The following NFIC variants were observed in gnomAD, a reference collection of about 807,000 sequenced individuals.
NFIC encodes the protein nuclear factor 1 C-type.
In NFIC, 12 loss-of-function variants were observed where a neutral mutation model predicts 54.4. The ratio of observed to expected loss-of-function variants is 0.22; its 90% confidence interval spans 0.14 to 0.36. The LOEUF (loss-of-function observed/expected upper bound fraction) is 0.36, where lower values mean the gene tolerates loss of function less well. Ranked by LOEUF, NFIC falls within the 10% of genes least tolerant of loss-of-function variation. The pLI, the probability that NFIC is intolerant of heterozygous loss-of-function variation, is 1.00. For missense variants in NFIC, 575 were observed against 718.2 expected, an observed-to-expected ratio of 0.80 and a Z score of 2.28; for synonymous variants, 322 against 319.2, an observed-to-expected ratio of 1.01 and a Z score of -0.09.
chr19:3,463,337 G>A lies in NFIC; in HGVS notation c.*568G>A. On this transcript the variant is annotated 3_prime_UTR_variant, in exon 11 of 11. Coordinates refer to ENST00000443272, the MANE Select transcript of NFIC (RefSeq NM_001245002.2). Reference sequence around the variant, plus strand: ...CCCACCGAGGACGCAGCCACTGGGGGGAAAGGGAGACACAGCGGACCCCGG... The same window carrying A: ...CCCACCGAGGACGCAGCCACTGGGGAGAAAGGGAGACACAGCGGACCCCGG... 1.0e-6 allele frequency: 1 copy of A among 986,742 alleles called. No homozygotes were observed. The highest frequency in any genetic ancestry group is 5.2e-4 in the Middle Eastern group (1 of 1,920). 61.1% of individuals were successfully genotyped at this position (986,742 alleles called of 1,614,324 possible). A position where few individuals can be genotyped will look rare whatever the true frequency, so the allele number is the denominator to read the frequency against.
At chr19:3,417,755 A>G (rs1301742628) in intron 2 of NFIC, among the ~76,000 whole-genome samples, 2 of 148,114 alleles carry the variant, frequency 1.4e-5, no homozygotes, top group South Asian at 2.1e-4. Context: ...CCTCCCGAGT[A>G]GCTGGGACTA....
rs573729059 is a variant in NFIC at position 3,461,497 on chromosome 19, C to T, written c.1510-1255C>T. ...CAGCACTTTGGGAGGCCAAGGTGGG[C>T]GGATCACTTGAGGCCAGGAATTCAA... is the stretch of plus-strand genomic sequence containing the variant. On this transcript the variant is annotated intron_variant, in intron 10 of 10. Transcript: ENST00000443272. Among the ~76,000 whole-genome samples the T allele has an allele frequency of 4.2e-4, 64 of 151,120 alleles. 1 individual carries two copies. Among genetic ancestry groups the T allele is most frequent in the African/African-American group, 1.4e-3 (59 of 41,104 alleles).
upstream of NFIC, among the ~76,000 whole-genome samples, chr19:3,364,304 AC>A (rs1366355053): frequency 6.6e-6 from 1 of 152,164 alleles, no homozygotes; most frequent in Non-Finnish European, 1.5e-5. Flanking sequence ...TGTTGTAACC[AC>A]GGGCAGGTAT....
chr19:3,373,480 T>C (rs1341819347), intron 1 of NFIC, among the ~76,000 whole-genome samples: 1 of 152,010 alleles, frequency 6.6e-6, no homozygotes, highest in Non-Finnish European at 1.5e-5. Flanking sequence ...GCCTCCTCGC[T>C]GTTCCTCTAA....
chr19:3,422,392 C>T (rs1158624057), intron 2 of NFIC, among the ~76,000 whole-genome samples: 1 of 150,542 alleles, frequency 6.6e-6, no homozygotes, highest in Non-Finnish European at 1.5e-5. Context: ...TAATCATCAT[C>T]TCATTTTGCG....
chr19:3,397,587 G>A (rs1334083758), intron 2 of NFIC, among the ~76,000 whole-genome samples: 2 of 152,182 alleles, frequency 1.3e-5, no homozygotes, highest in African/African-American at 4.8e-5. Flanking sequence ...CTCAGTCCCT[G>A]TCTATTCCCA....
At chr19:3,444,220 G>A (rs1187324831) in intron 6 of NFIC, among the ~76,000 whole-genome samples, 1 of 146,634 alleles carries the variant, frequency 6.8e-6, no homozygotes, top group Non-Finnish European at 1.5e-5. Flanking sequence ...TGGCTGCTCC[G>A]TCGGGGTGAT....
At chr19:3,394,516 C>G (rs2081427654) in intron 2 of NFIC, among the ~76,000 whole-genome samples, 2 of 22,414 alleles carry the variant, frequency 8.9e-5, no homozygotes, top group South Asian at 3.4e-3. Context: ...TGATCTTTTC[C>G]CCACCCACCC....
chr19:3,400,756 C>T (rs146864495), intron 2 of NFIC, among the ~76,000 whole-genome samples: 3,634 of 151,954 alleles, frequency 0.024, 153 homozygotes, highest in African/African-American at 0.084. Flanking sequence ...GCAGGAGAAT[C>T]GCTTGAACCC....
At chr19:3,384,051 T>G (rs1194614035) in intron 2 of NFIC, among the ~76,000 whole-genome samples, 3 of 83,120 alleles carry the variant, frequency 3.6e-5, no homozygotes, top group South Asian at 3.6e-4. Context: ...TACCCAGTGT[T>G]TTTTTTTTTT....
At chr19:3,393,466 A>G (rs10422388) in intron 2 of NFIC, among the ~76,000 whole-genome samples, 3,790 of 151,920 alleles carry the variant, frequency 0.025, 151 homozygotes, top group African/African-American at 0.084. Flanking sequence ...GGCCCTGACC[A>G]CACAGGTGAT....
At chr19:3,447,521 C>T (rs1444981540) in intron 6 of NFIC, among the ~76,000 whole-genome samples, 1 of 152,194 alleles carries the variant, frequency 6.6e-6, no homozygotes, top group Admixed American at 6.6e-5. Context: ...AGCTAACATT[C>T]TTCCAGCTGG....
At position 3,464,218 on chromosome 19, in the gene NFIC, G is replaced by A. The variant is rs1021649784; in HGVS notation, c.*1449G>A. On this transcript the variant is annotated 3_prime_UTR_variant, in exon 11 of 11. Transcript: ENST00000443272. ...GCTGCGGGACGTGCATCACGGCTGG[G>A]CCCCCAGAGGAGAGAGGAGGCCGAC... 3 of 985,294 alleles carry A rather than the reference G, an allele frequency of 3.0e-6. No homozygotes were observed. The highest frequency in any genetic ancestry group is 3.6e-6 in the Non-Finnish European group (3 of 829,936). 61.0% of individuals were successfully genotyped at this position (985,294 alleles called of 1,614,324 possible).
At chr19:3,359,636 C>A (rs1300669793), upstream of NFIC, 7 of 1,341,640 alleles carry the variant, frequency 5.2e-6, no homozygotes, top group East Asian at 2.3e-4. Flanking sequence ...CGCCGGGGAC[C>A]GAGCGCGCTC....
intron 3 of NFIC, among the ~76,000 whole-genome samples, chr19:3,427,684 G>A (rs182165738): frequency 4.0e-5 from 6 of 151,268 alleles, no homozygotes; most frequent in Admixed American, 2.0e-4. Flanking sequence ...AAAATTAGTC[G>A]GGCATGTTGG....
intron 1 of NFIC, among the ~76,000 whole-genome samples, chr19:3,379,087 T>G (rs1021611265): frequency 2.6e-5 from 4 of 152,114 alleles, no homozygotes; most frequent in African/African-American, 9.7e-5. Flanking sequence ...CAAGATGGAG[T>G]CTCGCCCTGT....
Position 3,463,493 on chromosome 19 carries a change from C to T in NFIC, c.*724C>T. 1.0e-6 allele frequency: 1 copy of T among 985,328 alleles called. No individual in the cohort carries two copies. The highest frequency in any genetic ancestry group is 1.2e-6 in the Non-Finnish European group (1 of 829,950). 61.0% of individuals were successfully genotyped at this position (985,328 alleles called of 1,614,324 possible). A position where few individuals can be genotyped will look rare whatever the true frequency, so the allele number is the denominator to read the frequency against. ...GCACCTGCTGCCCCTCGAGGGGGCC[C>T]TGCCTGCCGCGGGGCCTCCCCACAA... On this transcript the variant is annotated 3_prime_UTR_variant, in exon 11 of 11. Transcript: ENST00000443272.
At chr19:3,421,965 C>T (rs1169006990) in intron 2 of NFIC, among the ~76,000 whole-genome samples, 2 of 151,846 alleles carry the variant, frequency 1.3e-5, no homozygotes, top group Non-Finnish European at 2.9e-5. Context: ...TGGAGTTTTG[C>T]TCTTGTTGCC....
chr19:3,366,490 A>C, upstream of NFIC: 1 of 476,906 alleles, frequency 2.1e-6, no homozygotes, highest in Non-Finnish European at 3.5e-6. Context: ...AGGAGGAGGG[A>C]GACCGAGGGA....
Sources: gnomAD v4.1 joint callset for allele counts (sites outside exome capture counted in the v4.1 genomes callset) on GRCh38, gnomAD v4.1.1 for gene constraint, MANE v1.5 for transcripts, NCBI Gene and HGNC (gene_info 2026-07-23, HGNC 2026-07-21) for gene names.